Variants in TRIM24 observed in about 807,000 individuals in gnomAD.
The protein encoded by TRIM24 is transcription intermediary factor 1-alpha.
TRIM24 carries 29 observed loss-of-function variants against 123.9 expected under a neutral mutation model. The observed-to-expected ratio is 0.23, with a 90% CI of 0.17 to 0.32. TRIM24 has a LOEUF of 0.32. TRIM24 is among the 10% of genes least tolerant of loss of function. TRIM24 has a pLI of 1.00. For synonymous variants in TRIM24, 456 were observed against 461.1 expected (o/e 0.99, Z 0.14); for missense variants, 932 against 1,295.3 (o/e 0.72, Z 4.31).
In TRIM24 at chr7:138,571,021, T is replaced by A. The variant is rs1162889286; in HGVS notation, c.1878+18T>A. On this transcript the variant is annotated intron_variant, in intron 11 of 18. Transcript: ENST00000343526. ...TTCCGGATGTAAGTAGACACAAAATTTATACTAGCCTCTGTTGAAAACTGT... is the reference window on the plus strand; with the variant it reads ...TTCCGGATGTAAGTAGACACAAAATATATACTAGCCTCTGTTGAAAACTGT... 1.2e-5 allele frequency: 20 copies of A among 1,612,860 alleles called. No individual in the cohort carries two copies. The highest frequency in any genetic ancestry group is 1.7e-5 in the Non-Finnish European group (20 of 1,179,250).
intron 3 of TRIM24, among the ~76,000 whole-genome samples, chr7:138,517,772 A>T (rs967624066): frequency 3.3e-5 from 5 of 152,120 alleles, no homozygotes; most frequent in Admixed American, 1.3e-4. Flanking sequence ...TAAAAAAAAA[A>T]TGCAAATGGC....
intron 18 of TRIM24, 62 bp from the exon 19 acceptor site, chr7:138,584,676 AATAT>A (rs1797976032): frequency 7.9e-7 from 1 of 1,257,990 alleles, no homozygotes; most frequent in Non-Finnish European, 1.1e-6. Flanking sequence ...ACAGCTCATT[AATAT>A]ATATAATCTC....
In TRIM24 at chr7:138,586,128, TCTG is replaced by T. The variant is rs1279132863; in HGVS notation, c.*1178_*1180del. On this transcript the variant is annotated 3_prime_UTR_variant, in exon 19 of 19. Coordinates refer to ENST00000343526, the MANE Select transcript of TRIM24 (RefSeq NM_015905.3). ...TGATAGAGGTACAAAAGACTTATCT[TCTG>T]AGGACAAGCATATTCTTAATGTGCC... 5 of 353,866 alleles carry T rather than the reference TCTG, an allele frequency of 1.4e-5. No individual in the cohort carries two copies. The highest frequency in any genetic ancestry group is 3.8e-5 in the Admixed American group (1 of 26,358). 21.9% of individuals were successfully genotyped at this position (353,866 alleles called of 1,614,324 possible). A position where few individuals can be genotyped will look rare whatever the true frequency, so the allele number is the denominator to read the frequency against.
At chr7:138,493,290 T>C (rs1795835044) in intron 1 of TRIM24, among the ~76,000 whole-genome samples, 2 of 152,282 alleles carry the variant, frequency 1.3e-5, no homozygotes, top group Non-Finnish European at 1.5e-5. Flanking sequence ...ACCAGCTATG[T>C]GCTATGATTT....
rs372839961 is a variant in TRIM24, at chr7:138,526,997, T to G, written c.881+1640T>G. 1.5e-3 allele frequency among the ~76,000 whole-genome samples: 234 copies of G among 152,324 alleles called. 1 individual carries two copies. Among genetic ancestry groups the G allele is most frequent in the African/African-American group, 5.2e-3 (215 of 41,574 alleles). On this transcript the variant is annotated intron_variant, in intron 5 of 18. Transcript: ENST00000343526. The stretch of plus-strand genomic sequence containing the variant: ...GAAATTTATCCCTTTGACTTTTTTC[T>G]TACTGTTTCACTGAGTATATGGTTT...
At position 138,586,158 on chromosome 7, in the gene TRIM24, G is replaced by C; in HGVS notation, c.*1207G>C. The C allele has an allele frequency of 3.1e-6, 1 of 324,714 alleles. No individual in the cohort carries two copies. The allele number at this position is 324,714 out of a possible 1,614,324, so 20.1% of individuals were successfully genotyped here. A position where few individuals can be genotyped will look rare whatever the true frequency, so the allele number is the denominator to read the frequency against. On this transcript the variant is annotated 3_prime_UTR_variant, in exon 19 of 19. Transcript: ENST00000343526. ...GGACAAGCATATTCTTAATGTGCCA[G>C]ACCTACCCGGTTCAGCTGATATAGA...
chr7:138,535,287 G>T (rs533003433), intron 6 of TRIM24, among the ~76,000 whole-genome samples: 3 of 152,262 alleles, frequency 2.0e-5, no homozygotes, highest in East Asian at 3.9e-4. Context: ...TTGCCCTTTA[G>T]TTGATGCAGT....
At chr7:138,543,380 G>C (rs1285085062) in intron 7 of TRIM24, among the ~76,000 whole-genome samples, 1 of 152,156 alleles carries the variant, frequency 6.6e-6, no homozygotes, top group Non-Finnish European at 1.5e-5. Context: ...TAATTTGCCT[G>C]TAATGCATGC....
chr7:138,505,513 GTTGTT>G (rs1563037350), intron 2 of TRIM24, among the ~76,000 whole-genome samples: 1 of 125,212 alleles, frequency 8.0e-6, no homozygotes, highest in African/African-American at 3.1e-5. Flanking sequence ...GGTGGTGGTT[GTTGTT>G]GTTGTTGTTG....
intron 2 of TRIM24, among the ~76,000 whole-genome samples, chr7:138,511,123 T>C (rs1159146298): frequency 2.0e-5 from 3 of 152,164 alleles, no homozygotes; most frequent in African/African-American, 4.8e-5. Flanking sequence ...AGAGGTTTAA[T>C]TGGCTCACGG....
rs187753464 is a variant in TRIM24, at chr7:138,523,531, G to A, written c.765-1710G>A. On this transcript the variant is annotated intron_variant, in intron 4 of 18. Coordinates refer to ENST00000343526, the MANE Select transcript of TRIM24 (RefSeq NM_015905.3). ...AGCACCTGGGGAGGCCGAGGCGGGC[G>A]GATCACAAGGTCAGGAGATTGAGAC... Among the ~76,000 whole-genome samples the A allele has an allele frequency of 9.4e-3, 1,423 of 152,128 alleles. 21 individuals are homozygous for A. Among genetic ancestry groups the A allele is most frequent in the South Asian group, 0.044 (212 of 4,818 alleles).
chr7:138,484,205 G>A (rs1563027620), intron 1 of TRIM24, among the ~76,000 whole-genome samples: 2 of 151,934 alleles, frequency 1.3e-5, no homozygotes, highest in South Asian at 4.2e-4. Context: ...CGCCTCCCGG[G>A]TTCAAGTTAT....
intron 9 of TRIM24, among the ~76,000 whole-genome samples, chr7:138,562,944 T>G (rs1056441704): frequency 2.6e-5 from 4 of 152,224 alleles, no homozygotes; most frequent in African/African-American, 9.6e-5. Context: ...CTGGGCAATT[T>G]GGGAGGTACA....
chr7:138,490,495 C>T (rs1023673610), intron 1 of TRIM24: 15 of 173,014 alleles, frequency 8.7e-5, no homozygotes, highest in Non-Finnish European at 1.6e-4. Context: ...GCAAGAACTC[C>T]TCCCTATTGC....
intron 17 of TRIM24, among the ~76,000 whole-genome samples, chr7:138,583,527 A>G (rs1053077752): frequency 1.1e-4 from 17 of 152,162 alleles, no homozygotes; most frequent in Admixed American, 1.0e-3. Context: ...GGCTGAGGTG[A>G]GAGGATCACT....
chr7:138,538,836 A>T, intron 7 of TRIM24, 33 bp downstream of exon 7: 1 of 1,584,596 alleles, frequency 6.3e-7, no homozygotes, highest in Non-Finnish European at 8.6e-7. Flanking sequence ...ATATACTGTA[A>T]AAATGCACAG....
intron 6 of TRIM24, among the ~76,000 whole-genome samples, chr7:138,536,788 G>C (rs1388515241): frequency 3.9e-5 from 6 of 152,226 alleles, no homozygotes; most frequent in African/African-American, 1.2e-4. Flanking sequence ...GCTGCCTTTT[G>C]TTTGGCTATG....
At position 138,551,127 on chromosome 7, in the gene TRIM24, C is replaced by T. The variant is rs762347347; in HGVS notation, c.1208C>T (p.Thr403Ile). 2.5e-6 allele frequency: 4 copies of T among 1,613,792 alleles called. No homozygotes were observed. Among genetic ancestry groups the T allele is most frequent in the Non-Finnish European group, 3.4e-6 (4 of 1,179,824 alleles). Residue 403 changes from threonine to isoleucine, a missense_variant, in exon 8 of 19, where the codon ACC becomes ATC. By Grantham distance (89) the Thr-to-Ile change is moderately conservative (BLOSUM62 -1). Transcript: ENST00000343526. ...GATGCATCCCCAGTGACCAACAACA[C>T]CATCCAATTTCACTGTGATCCTAGT... ...RCDASPVTNN[T>I]IQFHCDPSFW...
intron 17 of TRIM24, among the ~76,000 whole-genome samples, chr7:138,583,460 A>T (rs962344812): frequency 6.6e-6 from 1 of 152,176 alleles, no homozygotes; most frequent in Non-Finnish European, 1.5e-5. Context: ...TCTCTACAAA[A>T]AATACAAAAA....
Sources: allele counts gnomAD v4.1 joint callset (sites outside exome capture counted in the v4.1 genomes callset), GRCh38; gene constraint gnomAD v4.1.1; transcripts MANE v1.5; gene names NCBI Gene and HGNC (gene_info 2026-07-23, HGNC 2026-07-21).